The following SCML4 variants were observed in gnomAD, a reference collection of about 807,000 sequenced individuals.
SCML4 encodes sex comb on midleg-like protein 4.
A neutral mutation model predicts 41.1 loss-of-function variants in SCML4; 34 were observed. The ratio of observed to expected loss-of-function variants is 0.83; its 90% CI spans 0.63 to 1.10. The LOEUF is 1.10. Ranked by LOEUF, SCML4 falls within the 50% of genes least tolerant of loss-of-function variation. The pLI is 0.00. For synonymous variants in SCML4, 214 were observed against 220.9 expected (o/e 0.97, Z 0.28); for missense variants, 522 against 534.1 (o/e 0.98, Z 0.22).
intron 7 of SCML4, 32 bp downstream of exon 7, chr6:107,707,834 C>T (rs566544756): frequency 1.3e-6 from 2 of 1,550,330 alleles, no homozygotes; most frequent in Non-Finnish European, 1.7e-6. Flanking sequence ...CTCCCTCAAT[C>T]CCCCCCAAGG....
At chr6:107,837,447 C>G in the SCML4 span, among the ~76,000 whole-genome samples, 2 of 152,204 alleles carry the variant, frequency 1.3e-5, no homozygotes, top group Non-Finnish European at 2.9e-5. Flanking sequence ...GCCGAATGCA[C>G]TTCCAATCAC....
chr6:107,807,136 G>T (rs1228944806), intron 1 of SCML4, among the ~76,000 whole-genome samples: 1 of 149,420 alleles, frequency 6.7e-6, no homozygotes, highest in South Asian at 2.1e-4. Context: ...GATTTATGAT[G>T]CCTTTATTGT....
intron 1 of SCML4, among the ~76,000 whole-genome samples, chr6:107,822,840 G>A (rs1385306182): frequency 2.6e-5 from 4 of 152,000 alleles, no homozygotes; most frequent in Non-Finnish European, 4.4e-5. Context: ...GATTTTCTAG[G>A]TAATCTTCAC....
intron 1 of SCML4, among the ~76,000 whole-genome samples, chr6:107,792,775 T>C (rs1782435378): frequency 6.6e-6 from 1 of 151,694 alleles, no homozygotes; most frequent in African/African-American, 2.4e-5. Flanking sequence ...CCCCCAAATG[T>C]ACCAAAGAGA....
chr6:107,764,029 TG>T (rs1349456222), intron 2 of SCML4, among the ~76,000 whole-genome samples: 2 of 152,210 alleles, frequency 1.3e-5, no homozygotes, highest in Non-Finnish European at 2.9e-5. Flanking sequence ...AAAACTCCCT[TG>T]GGGTTCTGAG....
At chr6:107,803,537 G>T (rs569698416) in intron 1 of SCML4, among the ~76,000 whole-genome samples, 13 of 148,870 alleles carry the variant, frequency 8.7e-5, no homozygotes, top group Admixed American at 6.7e-4. Context: ...CCACCACCCC[G>T]TCTGGGAGGT....
At chr6:107,777,151 C>T (rs1191404622) in intron 1 of SCML4, among the ~76,000 whole-genome samples, 1 of 152,152 alleles carries the variant, frequency 6.6e-6, no homozygotes, top group Non-Finnish European at 1.5e-5. Context: ...TGGAGTCTTG[C>T]TGTGTTGCCA....
chr6:107,822,132 TAAA>T (rs139117998), intron 1 of SCML4, among the ~76,000 whole-genome samples: 12,939 of 152,276 alleles, frequency 0.085, 572 homozygotes, highest in East Asian at 0.13. Flanking sequence ...TTTTAAAAAT[TAAA>T]AAAGTCTATC....
chr6:107,724,733 G>T (rs986132179), intron 5 of SCML4, among the ~76,000 whole-genome samples: 1 of 152,162 alleles, frequency 6.6e-6, no homozygotes, highest in Non-Finnish European at 1.5e-5. Context: ...CACAATCCCT[G>T]TCAGAATCTT....
In SCML4 at chr6:107,746,743, G is replaced by C. The variant is rs776790300; in HGVS notation, c.433C>G (p.Gln145Glu). 13 of 1,614,184 alleles carry C rather than the reference G, an allele frequency of 8.1e-6. No individual in the cohort carries two copies. ...TTGACCAGGGAGAAGACCAGCTTCT[G>C]CTGGTGGGCGCAGTCGATGCAGGCT... Reference protein sequence around the residue: ...VQACIDCAHQQKLVFSLVKQG... With the variant: ...VQACIDCAHQEKLVFSLVKQG... The change falls in exon 4 of 8, where the codon CAG becomes GAG. Residue 145 changes from glutamine to glutamate, a missense_variant. Physicochemically the swap from Gln to Glu is conservative, Grantham distance 29 (BLOSUM62 2). Transcript: ENST00000369020.
intron 1 of SCML4, among the ~76,000 whole-genome samples, chr6:107,806,089 G>A (rs1203898379): frequency 6.6e-6 from 1 of 152,208 alleles, no homozygotes; most frequent in Non-Finnish European, 1.5e-5. Flanking sequence ...AGAGGCACCT[G>A]TGCCAACTGC....
chr6:107,716,585 C>T (rs1774824284), intron 6 of SCML4, among the ~76,000 whole-genome samples: 2 of 152,104 alleles, frequency 1.3e-5, no homozygotes, highest in African/African-American at 4.8e-5. Context: ...AGAGGCTTCA[C>T]AAAGCTGAGG....
At chr6:107,749,257 T>G (rs977818053) in intron 3 of SCML4, among the ~76,000 whole-genome samples, 10 of 151,956 alleles carry the variant, frequency 6.6e-5, no homozygotes, top group African/African-American at 2.4e-4. Context: ...CTGACTGGGT[T>G]GGAGGGTAGT....
the SCML4 span, among the ~76,000 whole-genome samples, chr6:107,843,798 C>T: frequency 1.3e-5 from 2 of 152,086 alleles, no homozygotes; most frequent in Non-Finnish European, 2.9e-5. Flanking sequence ...TAGGCAGGGA[C>T]TTTGCCACAC....
At chr6:107,808,197 C>T (rs1783884887) in intron 1 of SCML4, among the ~76,000 whole-genome samples, 1 of 152,148 alleles carries the variant, frequency 6.6e-6, no homozygotes, top group Admixed American at 6.6e-5. Context: ...TGGAATGTTT[C>T]ACAAGGAAGG....
At chr6:107,811,579 CA>C (rs1784161654) in intron 1 of SCML4, among the ~76,000 whole-genome samples, 1 of 152,190 alleles carries the variant, frequency 6.6e-6, no homozygotes, top group South Asian at 2.1e-4. Context: ...ATGCCCCCAT[CA>C]AAAGGCATCA....
At chr6:107,845,477 C>T in the SCML4 span, among the ~76,000 whole-genome samples, 1,038 of 152,262 alleles carry the variant, frequency 6.8e-3, 9 homozygotes, top group African/African-American at 0.024. Context: ...GACGGTTCTC[C>T]GGAAATTACA....
At chr6:107,760,220 A>G (rs1779475757) in intron 2 of SCML4, among the ~76,000 whole-genome samples, 2 of 152,218 alleles carry the variant, frequency 1.3e-5, no homozygotes, top group East Asian at 1.9e-4. Flanking sequence ...GGTTATTAGG[A>G]TCAGTCAATT....
intron 6 of SCML4, among the ~76,000 whole-genome samples, chr6:107,714,728 G>A (rs1004327446): frequency 1.3e-5 from 2 of 152,098 alleles, no homozygotes; most frequent in South Asian, 2.1e-4. Flanking sequence ...CTGTTGCAAG[G>A]ATTAAATGGC....
Sources: gnomAD v4.1 joint callset for allele counts (sites outside exome capture counted in the v4.1 genomes callset) on GRCh38, gnomAD v4.1.1 for gene constraint, MANE v1.5 for transcripts, NCBI Gene and HGNC (gene_info 2026-07-23, HGNC 2026-07-21) for gene names.